Variants in FAM193A observed in about 807,000 individuals in gnomAD.
FAM193A encodes the protein protein FAM193A.
FAM193A carries 22 observed loss-of-function variants against 126.5 expected under a neutral mutation model. The ratio of observed to expected loss-of-function variants is 0.17; its 90% CI spans 0.12 to 0.25. FAM193A has a LOEUF of 0.25. Among genes scored for constraint, FAM193A ranks in the 10% least tolerant of loss-of-function variants. FAM193A has a pLI of 1.00. For synonymous variants in FAM193A, 761 were observed against 646.8 expected, an observed-to-expected ratio of 1.18 and a Z score of -2.68; for missense variants, 1,675 against 1,672.8, an observed-to-expected ratio of 1.00 and a Z score of -0.02.
chr4:2,702,102 C>G (rs956214425), intron 19 of FAM193A, among the ~76,000 whole-genome samples: 3 of 152,180 alleles, frequency 2.0e-5, no homozygotes, highest in Admixed American at 1.3e-4. Flanking sequence ...ATTATTCTTT[C>G]TATATTTGTT....
intron 20 of FAM193A, among the ~76,000 whole-genome samples, chr4:2,729,491 TTTCC>T (rs1253475415): frequency 1.3e-5 from 2 of 152,026 alleles, no homozygotes; most frequent in South Asian, 2.1e-4. Flanking sequence ...CCAAGTGCAC[TTTCC>T]TTCCTTTTGT....
At chr4:2,618,796 T>C (rs572267685) in intron 2 of FAM193A, among the ~76,000 whole-genome samples, 1 of 152,206 alleles carries the variant, frequency 6.6e-6, no homozygotes, top group African/African-American at 2.4e-5. Context: ...GGTTGCTCCA[T>C]GTTGGTCAGG....
At chr4:2,674,128 T>C (rs1714132099) in intron 13 of FAM193A, among the ~76,000 whole-genome samples, 1 of 152,232 alleles carries the variant, frequency 6.6e-6, no homozygotes, top group Admixed American at 6.5e-5. Context: ...TCATTTAAAA[T>C]ATGTGGTGGC....
At chr4:2,675,218 G>A (rs952477849) in intron 13 of FAM193A, among the ~76,000 whole-genome samples, 2 of 152,166 alleles carry the variant, frequency 1.3e-5, no homozygotes, top group South Asian at 2.1e-4. Context: ...GTGTTCTGCC[G>A]TTGTTCAGTG....
At chr4:2,572,865 T>C (rs1480955631) in intron 1 of FAM193A, among the ~76,000 whole-genome samples, 1 of 151,322 alleles carries the variant, frequency 6.6e-6, no homozygotes, top group Non-Finnish European at 1.5e-5. Context: ...AAGGCTTTTC[T>C]GTAATCCAGG....
chr4:2,663,990 T>A, intron 12 of FAM193A, among the ~76,000 whole-genome samples: 1 of 152,110 alleles, frequency 6.6e-6, no homozygotes, highest in South Asian at 2.1e-4. Flanking sequence ...ACAACAATAA[T>A]AATAAGCAGT....
chr4:2,559,575 C>T (rs1344012885), intron 1 of FAM193A, among the ~76,000 whole-genome samples: 1 of 152,112 alleles, frequency 6.6e-6, no homozygotes, highest in Non-Finnish European at 1.5e-5. Flanking sequence ...GGATTACAGG[C>T]GTGAGCCACT....
chr4:2,556,000 G>A (rs1036293721), intron 1 of FAM193A, among the ~76,000 whole-genome samples: 19 of 151,262 alleles, frequency 1.3e-4, no homozygotes, highest in African/African-American at 2.7e-4. Flanking sequence ...AGGTTCAGGC[G>A]ATTCCCCTGT....
chr4:2,700,274 C>T lies in FAM193A; in HGVS notation c.4102C>T (p.Arg1368Trp), dbSNP rs775161449. 8.1e-6 allele frequency: 13 copies of T among 1,614,030 alleles called. No individual in the cohort carries two copies. The East Asian group carries it at 8.9e-5, about 11-fold the overall frequency. The change falls in exon 19 of 21, where the codon CGG (arginine) becomes TGG (tryptophan). Residue 1368 changes from arginine to tryptophan, a missense_variant. This residue lies in a region of FAM193A where 415 missense variants were observed against 396.7 expected (regional missense o/e 1.05). Transcript: ENST00000637812. ...PKATEGQSKP[R>W]AQTESKAKVV... The stretch of plus-strand genomic sequence containing the variant: ...GGCCACAGAGGGGCAGTCCAAGCCC[C>T]GGGCCCAGACTGAGTCAAAGGCTAA...
At chr4:2,552,829 G>A (rs1020978254) in intron 1 of FAM193A, among the ~76,000 whole-genome samples, 6 of 148,986 alleles carry the variant, frequency 4.0e-5, no homozygotes, top group South Asian at 4.2e-4. Context: ...GAGCCACCGC[G>A]CCCGGCCACA....
At chr4:2,684,206 C>G (rs991181795) in intron 13 of FAM193A, among the ~76,000 whole-genome samples, 1 of 152,166 alleles carries the variant, frequency 6.6e-6, no homozygotes, top group African/African-American at 2.4e-5. Flanking sequence ...TTCTTCTGTT[C>G]TGCATTCCTA....
chr4:2,600,769 G>A (rs1387410873), intron 2 of FAM193A, among the ~76,000 whole-genome samples: 1 of 152,046 alleles, frequency 6.6e-6, no homozygotes, highest in East Asian at 1.9e-4. Context: ...TTTGATTATT[G>A]TTTTCTTCTG....
chr4:2,563,595 A>T (rs529162836), intron 1 of FAM193A, among the ~76,000 whole-genome samples: 3 of 152,288 alleles, frequency 2.0e-5, no homozygotes, highest in Admixed American at 6.5e-5. Flanking sequence ...TGGATCAGAG[A>T]TAATGCTAAT....
Position 2,707,861 on chromosome 4 carries a change from G to A in FAM193A, c.4372+7317G>A, listed in dbSNP as rs551747991. On this transcript the variant is annotated intron_variant, in intron 19 of 20. Transcript: ENST00000637812. ...CCTCCTGGGTTCAAGCAGTTCTCAT[G>A]CCCCACCCTCCCGAGTAGCTGGAAT... Among the ~76,000 whole-genome samples, 26 of 151,780 alleles carry A rather than the reference G, an allele frequency of 1.7e-4. 1 individual carries two copies. In the South Asian group the frequency reaches 5.2e-3, roughly 30 times the overall value.
chr4:2,552,412 A>G (rs528635048), intron 1 of FAM193A, among the ~76,000 whole-genome samples: 10 of 151,700 alleles, frequency 6.6e-5, no homozygotes, highest in African/African-American at 2.4e-4. Context: ...CTGCCTCCCA[A>G]AGTGCTGGGA....
At chr4:2,561,453 G>T (rs2108839973) in intron 1 of FAM193A, among the ~76,000 whole-genome samples, 1 of 150,276 alleles carries the variant, frequency 6.7e-6, no homozygotes, top group East Asian at 2.0e-4. Context: ...AAAGTGCTGG[G>T]ATTACAGGCA....
chr4:2,570,834 T>C (rs978851705), intron 1 of FAM193A, among the ~76,000 whole-genome samples: 1 of 152,154 alleles, frequency 6.6e-6, no homozygotes, highest in Non-Finnish European at 1.5e-5. Context: ...TTACTGCAAG[T>C]CTCACTCACA....
At position 2,590,468 on chromosome 4, in the gene FAM193A, A is replaced by AC. The variant is rs1206304904; in HGVS notation, c.256-5616_256-5615insC. Among the ~76,000 whole-genome samples the AC allele has an allele frequency of 4.6e-4, 39 of 85,306 alleles. 3 individuals carry two copies. Among genetic ancestry groups the AC allele is most frequent in the African/African-American group, 3.0e-3 (39 of 12,962 alleles). The allele number at this position is 85,306 out of a possible 152,430, so 56.0% of individuals were successfully genotyped here. A position where few individuals can be genotyped will look rare whatever the true frequency, so the allele number is the denominator to read the frequency against. ...GACAGAGCGAGACTCCATCTCAAAA[A>AC]AAAAAAACAAAAAAAAACAAAAAAA... is the stretch of plus-strand genomic sequence containing the variant. On this transcript the variant is annotated intron_variant, in intron 1 of 20. Coordinates refer to ENST00000637812, the MANE Select transcript of FAM193A (RefSeq NM_001366318.2).
At chr4:2,630,882 G>A in intron 4 of FAM193A, 53 bp from the exon 5 acceptor site, 1 of 1,022,732 alleles carries the variant, frequency 9.8e-7, no homozygotes, top group Non-Finnish European at 1.5e-6. Flanking sequence ...ACTGACATCA[G>A]AGCACCCATG....
Sources: allele counts gnomAD v4.1 joint callset (sites outside exome capture counted in the v4.1 genomes callset), GRCh38; gene constraint gnomAD v4.1.1; regional missense constraint gnomAD v4.1.1; transcripts MANE v1.5; gene names NCBI Gene and HGNC (gene_info 2026-07-23, HGNC 2026-07-21).